ALK: variants seen among roughly 807,000 people sequenced by gnomAD.
ALK encodes the protein ALK tyrosine kinase receptor.
ALK carries 74 observed loss-of-function variants against 163.1 expected under a neutral mutation model. The ratio of observed to expected loss-of-function variants is 0.45; its 90% CI spans 0.38 to 0.55. ALK has a LOEUF of 0.55. ALK is among the 20% of genes least tolerant of loss of function. The pLI, the probability that ALK is intolerant of heterozygous loss-of-function variation, is 0.00. For synonymous variants in ALK, 960 were observed against 843.2 expected (o/e 1.14, Z -2.40); for missense variants, 2,063 against 2,105.3 (o/e 0.98, Z 0.39).
At chr2:29,666,371 A>C (rs1401762503) in intron 3 of ALK, among the ~76,000 whole-genome samples, 2 of 152,098 alleles carry the variant, frequency 1.3e-5, no homozygotes, top group Non-Finnish European at 2.9e-5. Context: ...AACTATCAAA[A>C]AAATGGTATT....
At chr2:29,909,513 A>AGAGAGG (rs1253086504) in intron 1 of ALK, among the ~76,000 whole-genome samples, 8 of 146,312 alleles carry the variant, frequency 5.5e-5, no homozygotes, top group Non-Finnish European at 1.2e-4. Context: ...AGAGAGAGAG[A>AGAGAGG]GAGAGAATGC....
Position 29,920,074 on chromosome 2 carries a change from A to C in ALK, c.586T>G (p.Ser196Ala). ...AGCCTTCCCTCTCTGCCCACTTCCG[A>C]CGCCTTCTTCTCGGGCATCAGGCGG... ...RIRLMPEKKA[S>A]EVGREGRLSA... is the part of the protein sequence containing the mutation. The change falls in exon 1 of 29, where the codon TCG becomes GCG. Residue 196 changes from serine to alanine, a missense_variant. Transcript: ENST00000389048. The C allele has an allele frequency of 6.2e-7, 1 of 1,614,094 alleles. No individual in the cohort carries two copies. The highest frequency in any genetic ancestry group is 1.1e-5 in the South Asian group (1 of 91,082).
chr2:29,920,709 T>G lies in ALK; in HGVS notation c.-50A>C. 3.4e-6 allele frequency: 5 copies of G among 1,472,226 alleles called. No homozygotes were observed. In the Admixed American group the frequency reaches 6.0e-5, roughly 18 times the overall value. 91.2% of individuals were successfully genotyped at this position (1,472,226 alleles called of 1,614,324 possible). ...TGCTCTCCGGGCCCAGCCTCACCCT[T>G]CGCTCTCCCCGAGATGGGAAGAGGC... On this transcript the variant is annotated 5_prime_UTR_variant, in exon 1 of 29. Transcript: ENST00000389048.
At chr2:29,579,391 A>G (rs567648433) in intron 3 of ALK, among the ~76,000 whole-genome samples, 19 of 152,304 alleles carry the variant, frequency 1.2e-4, no homozygotes, top group Admixed American at 7.8e-4. Context: ...TGTATCCCAC[A>G]AGCTTCAGAG....
chr2:29,694,972 G>A lies in ALK; in HGVS notation c.830C>T (p.Ser277Phe), dbSNP rs1486167712. 19 of 1,613,894 alleles carry A rather than the reference G, an allele frequency of 1.2e-5. No homozygotes were observed. The highest frequency in any genetic ancestry group is 2.7e-5 in the African/African-American group (2 of 74,894). ...GTTCCTGAGGTCATGCAGTGGAGGG[G>A]AATACTCCAGCTCACAGGGGAAGTC... ...SFDFPCELEY[S>F]PPLHDLRNQS... is the part of the protein sequence containing the mutation. Residue 277 changes from serine (S) to phenylalanine (F), a missense_variant, in exon 3 of 29, where the codon TCC (serine) becomes TTC (phenylalanine). By Grantham distance (155) the Ser-to-Phe change is radical. Coordinates refer to ENST00000389048, the MANE Select transcript of ALK (RefSeq NM_004304.5).
intron 3 of ALK, among the ~76,000 whole-genome samples, chr2:29,563,961 A>C (rs1334311555): frequency 2.0e-5 from 3 of 152,046 alleles, no homozygotes; most frequent in East Asian, 3.9e-4. Flanking sequence ...CCACCTCCTA[A>C]CCTCAGCCGC....
chr2:29,834,524 C>G (rs1665506817), intron 1 of ALK, among the ~76,000 whole-genome samples: 1 of 152,104 alleles, frequency 6.6e-6, no homozygotes, highest in African/African-American at 2.4e-5. Flanking sequence ...AAAGATTTTT[C>G]AAAGTTCTTA....
intron 5 of ALK, among the ~76,000 whole-genome samples, chr2:29,343,935 C>T (rs1558684744): frequency 6.6e-6 from 1 of 152,050 alleles, no homozygotes; most frequent in Non-Finnish European, 1.5e-5. Flanking sequence ...TGAAGAGCTA[C>T]TAAGCAGAGT....
intron 1 of ALK, among the ~76,000 whole-genome samples, chr2:29,843,803 C>A (rs139294909): frequency 1.3e-5 from 2 of 152,276 alleles, no homozygotes; most frequent in East Asian, 3.9e-4. Flanking sequence ...ATATAGGGAG[C>A]ATTCATAATC....
intron 26 of ALK, among the ~76,000 whole-genome samples, chr2:29,200,841 G>A (rs12467654): frequency 7.7e-6 from 1 of 130,384 alleles, no homozygotes; most frequent in South Asian, 2.4e-4. Context: ...ATATATGTGT[G>A]TGTATATAGA....
At chr2:29,306,652 C>CGT (rs67015445) in intron 8 of ALK, among the ~76,000 whole-genome samples, 52,215 of 151,104 alleles carry the variant, frequency 0.35, 9,761 homozygotes, top group Middle Eastern at 0.46. Context: ...AATTAACAGT[C>CGT]GTGTGTGTGT....
chr2:29,914,969 C>T (rs1667793196), intron 1 of ALK, among the ~76,000 whole-genome samples: 1 of 152,140 alleles, frequency 6.6e-6, no homozygotes, highest in African/African-American at 2.4e-5. Context: ...ATAAAGCAAA[C>T]ATTTGTCCTG....
At chr2:29,213,649 G>C (rs1374468451) in intron 24 of ALK, among the ~76,000 whole-genome samples, 1 of 152,120 alleles carries the variant, frequency 6.6e-6, no homozygotes, top group South Asian at 2.1e-4. Flanking sequence ...TTATGTAAGG[G>C]GCAAGTGAAT....
At chr2:29,330,149 T>C (rs1256578082) in intron 5 of ALK, among the ~76,000 whole-genome samples, 1 of 152,176 alleles carries the variant, frequency 6.6e-6, no homozygotes, top group Non-Finnish European at 1.5e-5. Flanking sequence ...CCCACCTCCT[T>C]CCAGGGAATC....
chr2:29,563,178 A>G (rs892094756), intron 3 of ALK, among the ~76,000 whole-genome samples: 6 of 152,220 alleles, frequency 3.9e-5, no homozygotes, highest in Non-Finnish European at 8.8e-5. Flanking sequence ...TTCAAATTCA[A>G]TGTAGGTATA....
At chr2:29,747,471 GT>G (rs1287141152) in intron 1 of ALK, among the ~76,000 whole-genome samples, 2 of 152,180 alleles carry the variant, frequency 1.3e-5, no homozygotes, top group African/African-American at 2.4e-5. Context: ...GGATACATCG[GT>G]TTTGGAGTGA....
chr2:29,630,093 C>T (rs1469390194), intron 3 of ALK, among the ~76,000 whole-genome samples: 1 of 152,038 alleles, frequency 6.6e-6, no homozygotes, highest in Admixed American at 6.6e-5. Flanking sequence ...AGAGTCTGGG[C>T]GGAAATTTGA....
chr2:29,309,797 T>C (rs75455085), intron 8 of ALK, among the ~76,000 whole-genome samples: 22,685 of 151,698 alleles, frequency 0.15, 1,849 homozygotes, highest in Non-Finnish European at 0.19. Context: ...TTATTGGGCA[T>C]GTCCTGCTGG....
chr2:29,907,414 C>G (rs1667581056), intron 1 of ALK, among the ~76,000 whole-genome samples: 1 of 152,150 alleles, frequency 6.6e-6, no homozygotes, highest in African/African-American at 2.4e-5. Flanking sequence ...CGTTTTGCTT[C>G]TATTTCTTCA....
Sources: allele counts gnomAD v4.1 joint callset (sites outside exome capture counted in the v4.1 genomes callset), GRCh38; gene constraint gnomAD v4.1.1; transcripts MANE v1.5; gene names NCBI Gene and HGNC (gene_info 2026-07-23, HGNC 2026-07-21).